The following RBFOX1 variants were observed in gnomAD, a reference collection of about 807,000 sequenced individuals.
The protein encoded by RBFOX1 is RNA binding fox-1 homolog 1.
Under a neutral mutation model 57.7 loss-of-function variants are expected in RBFOX1, and 8 were observed. The observed-to-expected ratio is 0.14, with a 90% CI of 0.08 to 0.25. The LOEUF is 0.25. Ranked by LOEUF, RBFOX1 falls within the 10% of genes least tolerant of loss-of-function variation. The pLI is 1.00. For synonymous variants in RBFOX1, 326 were observed against 222.4 expected (o/e 1.47, Z -4.15); for missense variants, 611 against 548.5 (o/e 1.11, Z -1.14).
At chr16:6,600,084 G>A (rs1256500491) in intron 2 of RBFOX1, among the ~76,000 whole-genome samples, 1 of 152,208 alleles carries the variant, frequency 6.6e-6, no homozygotes, top group Non-Finnish European at 1.5e-5. Context: ...GGTTAGGGAA[G>A]CATTCATGGG....
chr16:7,501,208 C>G (rs1424551946), intron 4 of RBFOX1, among the ~76,000 whole-genome samples: 1 of 152,150 alleles, frequency 6.6e-6, no homozygotes, highest in Non-Finnish European at 1.5e-5. Context: ...GTCCTATTTA[C>G]CTAAAGTGAC....
At chr16:5,657,975 A>C (rs1053702181) in intron 3 of RBFOX1, among the ~76,000 whole-genome samples, 1 of 151,414 alleles carries the variant, frequency 6.6e-6, no homozygotes, top group East Asian at 2.0e-4. Context: ...CAGGTGATCC[A>C]CCCACCTCGG....
At chr16:7,303,300 C>T (rs1161040499) in intron 4 of RBFOX1, among the ~76,000 whole-genome samples, 3 of 152,214 alleles carry the variant, frequency 2.0e-5, no homozygotes, top group African/African-American at 7.2e-5. Context: ...CTCCTCCCCT[C>T]CCTCAGCCCA....
chr16:5,468,673 C>G (rs1221596455), intron 2 of RBFOX1, among the ~76,000 whole-genome samples: 1 of 152,226 alleles, frequency 6.6e-6, no homozygotes, highest in African/African-American at 2.4e-5. Context: ...AAAATGTGGT[C>G]TATCCATGCA....
intron 4 of RBFOX1, among the ~76,000 whole-genome samples, chr16:7,277,531 G>C (rs2095464471): frequency 6.6e-6 from 1 of 152,036 alleles, no homozygotes. Context: ...ATTGAACCTA[G>C]ATGTTCATAA....
intron 2 of RBFOX1, among the ~76,000 whole-genome samples, chr16:6,492,128 G>GTT (rs1441672140): frequency 6.6e-6 from 1 of 151,902 alleles, no homozygotes; most frequent in Non-Finnish European, 1.5e-5. Context: ...GTGTGTGTGT[G>GTT]TGTGCGGGCG....
intron 1 of RBFOX1, chr16:5,365,898 A>C: frequency 4.0e-6 from 2 of 501,536 alleles, no homozygotes; most frequent in Non-Finnish European, 7.9e-6. Context: ...CAAGGTGGAT[A>C]ATGATGAAAA....
chr16:6,635,547 C>G (rs539175971), intron 2 of RBFOX1, among the ~76,000 whole-genome samples: 1 of 151,868 alleles, frequency 6.6e-6, no homozygotes. Flanking sequence ...AGCCAAGTTT[C>G]TGGAAAATAA....
At chr16:7,551,960 G>T (rs2086677321) in intron 5 of RBFOX1, among the ~76,000 whole-genome samples, 1 of 152,184 alleles carries the variant, frequency 6.6e-6, no homozygotes, top group Non-Finnish European at 1.5e-5. Context: ...TCCAGCAGAA[G>T]AAATAGCATG....
intron 3 of RBFOX1, among the ~76,000 whole-genome samples, chr16:5,627,591 A>G (rs2048382220): frequency 6.6e-6 from 1 of 152,248 alleles, no homozygotes; most frequent in African/African-American, 2.4e-5. Context: ...AATAAGCAAC[A>G]ACCTTATAAA....
At chr16:5,267,057 G>A (rs1170593831) in intron 1 of RBFOX1, among the ~76,000 whole-genome samples, 6 of 151,832 alleles carry the variant, frequency 4.0e-5, no homozygotes, top group Non-Finnish European at 7.4e-5. Context: ...GCCTTGCAAG[G>A]TGTCATAGCC....
intron 4 of RBFOX1, among the ~76,000 whole-genome samples, chr16:7,396,589 C>G (rs1425083361): frequency 1.3e-5 from 2 of 152,178 alleles, no homozygotes; most frequent in Non-Finnish European, 2.9e-5. Flanking sequence ...TTACTTTAAG[C>G]TCAGTTTGTA....
intron 5 of RBFOX1, among the ~76,000 whole-genome samples, chr16:7,564,151 T>C (rs1418644939): frequency 6.6e-6 from 1 of 152,046 alleles, no homozygotes; most frequent in Non-Finnish European, 1.5e-5. Context: ...ATTAGGTTAA[T>C]TTAAGGCCAC....
intron 2 of RBFOX1, among the ~76,000 whole-genome samples, chr16:6,381,295 C>T (rs2091789666): frequency 6.6e-6 from 1 of 152,056 alleles, no homozygotes; most frequent in Admixed American, 6.6e-5. Context: ...AAACATTGTA[C>T]CCAAAAGGTA....
intron 3 of RBFOX1, among the ~76,000 whole-genome samples, chr16:6,956,780 C>G (rs1296530420): frequency 4.6e-5 from 7 of 152,166 alleles, no homozygotes; most frequent in African/African-American, 1.7e-4. Flanking sequence ...GTAGATACCG[C>G]TTGGGGTATC....
chr16:6,441,020 T>A (rs943236485), intron 2 of RBFOX1, among the ~76,000 whole-genome samples: 1 of 151,942 alleles, frequency 6.6e-6, no homozygotes, highest in African/African-American at 2.4e-5. Flanking sequence ...TTGGAGTCAG[T>A]GATGAGAAAG....
At chr16:7,314,119 G>A (rs1381806981) in intron 4 of RBFOX1, among the ~76,000 whole-genome samples, 3 of 152,114 alleles carry the variant, frequency 2.0e-5, no homozygotes, top group Admixed American at 6.5e-5. Flanking sequence ...GAGGAGGAAG[G>A]GAGAGGGGAA....
At chr16:7,238,873 A>T (rs2093913744) in intron 4 of RBFOX1, among the ~76,000 whole-genome samples, 1 of 152,086 alleles carries the variant, frequency 6.6e-6, no homozygotes, top group South Asian at 2.1e-4. Context: ...GCTCCCACTT[A>T]TACGTGAGAA....
chr16:6,894,594 G>A (rs2066305882), intron 3 of RBFOX1, among the ~76,000 whole-genome samples: 1 of 152,168 alleles, frequency 6.6e-6, no homozygotes, highest in Non-Finnish European at 1.5e-5. Context: ...CCCATTTGGG[G>A]TTCTCAGTGC....
Sources: gnomAD v4.1 joint callset for allele counts (sites outside exome capture counted in the v4.1 genomes callset) on GRCh38, gnomAD v4.1.1 for gene constraint, MANE v1.5 for transcripts, NCBI Gene and HGNC (gene_info 2026-07-23, HGNC 2026-07-21) for gene names.